The following NTNG1 variants were observed in gnomAD, a reference collection of about 807,000 sequenced individuals.
The protein encoded by NTNG1 is netrin-G1.
NTNG1 carries 16 observed loss-of-function variants against 54.0 expected under a neutral mutation model. The ratio of observed to expected loss-of-function variants is 0.30; its 90% CI spans 0.20 to 0.45. The LOEUF (loss-of-function observed/expected upper bound fraction) is 0.45, where lower values mean the gene tolerates loss of function less well. Ranked by LOEUF, NTNG1 falls within the 20% of genes least tolerant of loss-of-function variation. The pLI is 1.00. For missense variants in NTNG1, 530 were observed against 678.7 expected (o/e 0.78, Z 2.43); for synonymous variants, 255 against 263.1 (o/e 0.97, Z 0.30).
chr1:107,310,210 C>T (rs1009421669), intron 2 of NTNG1, among the ~76,000 whole-genome samples: 1 of 152,130 alleles, frequency 6.6e-6, no homozygotes, highest in Non-Finnish European at 1.5e-5. Context: ...ACTTTCATCT[C>T]TCTAACAATA....
At chr1:107,255,001 A>G (rs1457387531) in intron 2 of NTNG1, among the ~76,000 whole-genome samples, 3 of 152,212 alleles carry the variant, frequency 2.0e-5, no homozygotes, top group African/African-American at 7.2e-5. Flanking sequence ...TTATATTCAT[A>G]AACAACTACA....
chr1:107,180,875 T>C (rs1465735726), intron 2 of NTNG1, among the ~76,000 whole-genome samples: 1 of 152,232 alleles, frequency 6.6e-6, no homozygotes, highest in East Asian at 1.9e-4. Flanking sequence ...GTATCTTCTG[T>C]ATCTCCTAGA....
chr1:107,418,195 A>G (rs1210822401), intron 5 of NTNG1, among the ~76,000 whole-genome samples: 1 of 152,210 alleles, frequency 6.6e-6, no homozygotes, highest in East Asian at 1.9e-4. Flanking sequence ...TGTAAATATA[A>G]ATTGAGGAGA....
intron 5 of NTNG1, among the ~76,000 whole-genome samples, chr1:107,423,155 G>A (rs1237744687): frequency 6.6e-6 from 1 of 151,796 alleles, no homozygotes; most frequent in Non-Finnish European, 1.5e-5. Context: ...TAACTGTCTA[G>A]GTACTAAGTA....
intron 3 of NTNG1, among the ~76,000 whole-genome samples, chr1:107,355,456 G>A (rs1247591446): frequency 6.6e-6 from 1 of 151,712 alleles, no homozygotes; most frequent in Non-Finnish European, 1.5e-5. Flanking sequence ...GTTACTTAGG[G>A]GTAATGGGGA....
rs1677998624 is a variant in NTNG1, at chr1:107,471,824, T to G, written c.1391-8787T>G. ...CTTGGATTGGATAAGTAGTGTTTAA[T>G]TCATTATTCTGGCAGAGATAGGAAT... On this transcript the variant is annotated intron_variant, in intron 7 of 7. Transcript: ENST00000370068. Among the ~76,000 whole-genome samples the G allele has an allele frequency of 2.0e-5, 3 of 152,348 alleles. No individual in the cohort carries two copies. In the South Asian group the frequency reaches 6.2e-4, roughly 32 times the overall value.
At chr1:107,281,514 G>C (rs565831031) in intron 2 of NTNG1, among the ~76,000 whole-genome samples, 1 of 152,250 alleles carries the variant, frequency 6.6e-6, no homozygotes, top group East Asian at 1.9e-4. Context: ...GTTAAGAGTT[G>C]TCGAATTTTC....
intron 7 of NTNG1, among the ~76,000 whole-genome samples, chr1:107,451,213 C>T (rs1410317116): frequency 2.0e-5 from 3 of 149,418 alleles, no homozygotes; most frequent in African/African-American, 7.4e-5. Context: ...GTTAAGGTTT[C>T]TCTTTTTATG....
chr1:107,475,848 T>C (rs891053038), intron 7 of NTNG1, among the ~76,000 whole-genome samples: 4 of 152,180 alleles, frequency 2.6e-5, no homozygotes, highest in Non-Finnish European at 4.4e-5. Flanking sequence ...TGGCCAGTAG[T>C]GTGCCCTCCC....
upstream of NTNG1, among the ~76,000 whole-genome samples, chr1:107,140,401 G>T (rs575990528): frequency 1.3e-5 from 2 of 152,136 alleles, no homozygotes; most frequent in Non-Finnish European, 2.9e-5. Context: ...CCCGCTCGGA[G>T]CAGGGTCCCG....
chr1:107,197,118 C>T (rs1417688366), intron 2 of NTNG1, among the ~76,000 whole-genome samples: 1 of 152,004 alleles, frequency 6.6e-6, no homozygotes, highest in Non-Finnish European at 1.5e-5. Context: ...TTTAACTGAG[C>T]ATGCAGTACT....
rs979431255 is a variant in NTNG1 at position 107,483,108 on chromosome 1, G to A, written c.*2268G>A. 6.6e-6 allele frequency: 1 copy of A among 152,186 alleles called. No homozygotes were observed. Among genetic ancestry groups the A allele is most frequent in the East Asian group, 1.9e-4 (1 of 5,200 alleles). The allele number at this position is 152,186 out of a possible 1,614,324, so 9.4% of individuals were successfully genotyped here. ...GGGAGTTTGAGATTATTTATAATGA[G>A]GTGGATTTCTGATATTAAAATTAGA... On this transcript the variant is annotated 3_prime_UTR_variant, in exon 8 of 8. Transcript: ENST00000370068.
At chr1:107,357,454 T>C (rs1430845595) in intron 3 of NTNG1, among the ~76,000 whole-genome samples, 1 of 152,200 alleles carries the variant, frequency 6.6e-6, no homozygotes, top group East Asian at 1.9e-4. Flanking sequence ...CCCCAAAATC[T>C]CCATAAACAT....
In NTNG1 at chr1:107,148,260, A is replaced by G. The variant is rs775668110; in HGVS notation, c.-334A>G. 1.6e-4 allele frequency: 33 copies of G among 210,030 alleles called. No individual in the cohort carries two copies. Among genetic ancestry groups the G allele is most frequent in the Admixed American group, 5.8e-4 (11 of 19,042 alleles). The allele number at this position is 210,030 out of a possible 1,614,324, so 13.0% of individuals were successfully genotyped here. On this transcript the variant is annotated 5_prime_UTR_variant, in exon 2 of 8. Transcript: ENST00000370068. The stretch of plus-strand genomic sequence containing the variant: ...TCGCTTTGCTAAATTATTATCTGCA[A>G]TTGGACATCTTTTACAAAAACCAAA...
At chr1:107,241,924 A>C (rs1460175452) in intron 2 of NTNG1, among the ~76,000 whole-genome samples, 1 of 152,198 alleles carries the variant, frequency 6.6e-6, no homozygotes. Context: ...CCGTGCTCAC[A>C]GACGTTTTAG....
In NTNG1 at chr1:107,345,398, G is replaced by A. The variant is rs572206076; in HGVS notation, c.887+20476G>A. 2.0e-5 allele frequency among the ~76,000 whole-genome samples: 3 copies of A among 152,334 alleles called. No homozygotes were observed. The East Asian group carries it at 5.8e-4, about 29-fold the overall frequency. On this transcript the variant is annotated intron_variant, in intron 3 of 7. Coordinates refer to ENST00000370068, the MANE Select transcript of NTNG1 (RefSeq NM_001113226.3). ...AAGAGCCCAAAGGGTTATTTTCAAAGTTCTGTGGATTATGCTGGAAGGCAA... is the reference window on the plus strand; with the variant it reads ...AAGAGCCCAAAGGGTTATTTTCAAAATTCTGTGGATTATGCTGGAAGGCAA...
chr1:107,423,399 C>A (rs1570931299), intron 5 of NTNG1, among the ~76,000 whole-genome samples: 1 of 151,948 alleles, frequency 6.6e-6, no homozygotes, highest in African/African-American at 2.4e-5. Flanking sequence ...GAAAAGCCTA[C>A]AATGCACAGG....
At chr1:107,469,097 C>CAA (rs35394442) in intron 7 of NTNG1, among the ~76,000 whole-genome samples, 1,877 of 115,464 alleles carry the variant, frequency 0.016, 36 homozygotes, top group Middle Eastern at 0.044. Flanking sequence ...AACTCCATTT[C>CAA]AAAAAAAAAA....
intron 2 of NTNG1, among the ~76,000 whole-genome samples, chr1:107,250,847 C>T (rs1269012045): frequency 6.6e-6 from 1 of 152,218 alleles, no homozygotes; most frequent in Non-Finnish European, 1.5e-5. Context: ...GAGTGGGTGT[C>T]TTGGTTCTGA....
Sources: gnomAD v4.1 joint callset for allele counts (sites outside exome capture counted in the v4.1 genomes callset) on GRCh38, gnomAD v4.1.1 for gene constraint, MANE v1.5 for transcripts, NCBI Gene and HGNC (gene_info 2026-07-23, HGNC 2026-07-21) for gene names.